CREB5: variants seen among roughly 807,000 people sequenced by gnomAD.
CREB5 encodes cyclic AMP-responsive element-binding protein 5.
In CREB5, 19 loss-of-function variants were observed where a neutral mutation model predicts 57.1. The ratio of observed to expected loss-of-function variants is 0.33; its 90% confidence interval spans 0.23 to 0.49. The LOEUF is 0.49. Among genes scored for constraint, CREB5 ranks in the 20% least tolerant of loss-of-function variants. CREB5 has a pLI of 0.99. For missense variants in CREB5, 579 were observed against 671.6 expected (o/e 0.86, Z 1.52); for synonymous variants, 238 against 238.3 (o/e 1.00, Z 0.01).
intron 5 of CREB5, among the ~76,000 whole-genome samples, chr7:28,603,332 A>AT (rs1419154789): frequency 6.6e-6 from 1 of 152,134 alleles, no homozygotes; most frequent in Non-Finnish European, 1.5e-5. Context: ...ATGCAGAATC[A>AT]TTTTTCCCAC....
At chr7:28,811,970 C>G (rs781105411) in intron 9 of CREB5, among the ~76,000 whole-genome samples, 1 of 152,214 alleles carries the variant, frequency 6.6e-6, no homozygotes, top group Non-Finnish European at 1.5e-5. Context: ...GCCCTATTGA[C>G]TTCCGGGCTT....
intron 1 of CREB5, among the ~76,000 whole-genome samples, chr7:28,337,611 A>G (rs1484629340): frequency 6.6e-6 from 1 of 151,956 alleles, no homozygotes; most frequent in East Asian, 1.9e-4. Context: ...TGTTCCATGT[A>G]GGCGGTAGAT....
intron 4 of CREB5, among the ~76,000 whole-genome samples, chr7:28,538,529 T>C (rs751824428): frequency 6.6e-6 from 1 of 152,216 alleles, no homozygotes; most frequent in Non-Finnish European, 1.5e-5. Context: ...ATCAATTTTA[T>C]TAGTGTTTTT....
intron 5 of CREB5, among the ~76,000 whole-genome samples, chr7:28,591,052 C>T (rs1435004620): frequency 6.6e-6 from 1 of 152,102 alleles, no homozygotes; most frequent in African/African-American, 2.4e-5. Context: ...GTCCCTGTTC[C>T]CCACTGTTTT....
chr7:28,674,968 T>C (rs1379552588), intron 5 of CREB5, among the ~76,000 whole-genome samples: 2 of 152,208 alleles, frequency 1.3e-5, no homozygotes, highest in Non-Finnish European at 2.9e-5. Flanking sequence ...CTCCAAGGTC[T>C]TCTTTCTTTT....
chr7:28,401,520 C>T (rs962355987), intron 1 of CREB5, among the ~76,000 whole-genome samples: 5 of 151,982 alleles, frequency 3.3e-5, no homozygotes, highest in East Asian at 1.9e-4. Context: ...CCCATTAACT[C>T]GTCATTTACA....
At chr7:28,785,504 G>A (rs537909970) in intron 7 of CREB5, among the ~76,000 whole-genome samples, 22 of 152,290 alleles carry the variant, frequency 1.4e-4, no homozygotes, top group East Asian at 7.7e-4. Context: ...GGGATAAAGC[G>A]ATGGTTGTTC....
At chr7:28,785,072 T>A (rs1420000807) in intron 7 of CREB5, among the ~76,000 whole-genome samples, 3 of 152,162 alleles carry the variant, frequency 2.0e-5, no homozygotes, top group Non-Finnish European at 4.4e-5. Flanking sequence ...TAAGGAGGCT[T>A]TTCTTTATTC....
intron 5 of CREB5, among the ~76,000 whole-genome samples, chr7:28,586,243 T>C (rs924389106): frequency 2.6e-5 from 4 of 152,158 alleles, no homozygotes; most frequent in Non-Finnish European, 5.9e-5. Context: ...CATGTTTCTC[T>C]AGAGCCCTGA....
intron 5 of CREB5, among the ~76,000 whole-genome samples, chr7:28,608,094 G>GTCTC (rs149947396): frequency 6.3e-4 from 48 of 76,748 alleles, no homozygotes; most frequent in African/African-American, 2.2e-3. Flanking sequence ...CTCTCTCTCT[G>GTCTC]TCTCTCTCTC....
upstream of CREB5, chr7:28,410,158 C>T (rs1373199135): frequency 4.9e-6 from 2 of 405,768 alleles, no homozygotes; most frequent in South Asian, 3.6e-5. Flanking sequence ...CGGGTGGGCG[C>T]GCGCCCGGGG....
chr7:28,764,429 A>G (rs1805844979), intron 7 of CREB5, among the ~76,000 whole-genome samples: 1 of 152,166 alleles, frequency 6.6e-6, no homozygotes, highest in Non-Finnish European at 1.5e-5. Flanking sequence ...TGGATGGCAA[A>G]CACAACACTT....
intron 5 of CREB5, among the ~76,000 whole-genome samples, chr7:28,691,666 C>T (rs1449843569): frequency 2.6e-5 from 4 of 152,088 alleles, no homozygotes; most frequent in Non-Finnish European, 4.4e-5. Context: ...TTGAGAGTTC[C>T]ATGCTGGGAT....
chr7:28,337,614 C>T lies in CREB5; in HGVS notation c.-25+38173C>T, dbSNP rs138748086. Among the ~76,000 whole-genome samples, 100 of 151,950 alleles carry T rather than the reference C, an allele frequency of 6.6e-4. No homozygotes were observed. The Middle Eastern group carries it at 0.01, about 16-fold the overall frequency. On this transcript the variant is annotated intron_variant, in intron 1 of 9. Coordinates refer to the CREB5 transcript ENST00000396299. ...ATAGGTGAAGTGTGTTCCATGTAGG[C>T]GGTAGATCATTGGGTCTTGTTTGTT...
intron 4 of CREB5, among the ~76,000 whole-genome samples, chr7:28,559,659 G>A (rs770276702): frequency 3.3e-5 from 5 of 152,176 alleles, no homozygotes; most frequent in African/African-American, 7.2e-5. Flanking sequence ...AGATGACCAC[G>A]TGCCTGACTT....
At chr7:28,402,590 AT>A in intron 1 of CREB5, among the ~76,000 whole-genome samples, 1 of 152,382 alleles carries the variant, frequency 6.6e-6, no homozygotes, top group Non-Finnish European at 1.5e-5. Context: ...TCCTTATTTA[AT>A]AAATGGTGCT....
Position 28,310,401 on chromosome 7 carries a change from C to T in CREB5, c.-25+10960C>T, listed in dbSNP as rs148954405. Among the ~76,000 whole-genome samples, 4 of 152,268 alleles carry T rather than the reference C, an allele frequency of 2.6e-5. No homozygotes were observed. The South Asian group carries it at 8.3e-4, about 32-fold the overall frequency. On this transcript the variant is annotated intron_variant, in intron 1 of 9. Transcript: ENST00000396299. The stretch of plus-strand genomic sequence containing the variant: ...TGGTGTTTGGTGTAGGAGCTCTGGA[C>T]AGAAAGCCTGGAGAACCAGATTCTA...
intron 7 of CREB5, among the ~76,000 whole-genome samples, chr7:28,795,322 A>G (rs925252400): frequency 6.6e-6 from 1 of 152,210 alleles, no homozygotes; most frequent in African/African-American, 2.4e-5. Context: ...CTCATTAGAC[A>G]AGATCTTTAC....
intron 2 of CREB5, among the ~76,000 whole-genome samples, chr7:28,490,940 A>G (rs901621515): frequency 6.6e-6 from 1 of 152,216 alleles, no homozygotes; most frequent in Non-Finnish European, 1.5e-5. Flanking sequence ...TGAATGCCAC[A>G]GACGTGTGGT....
Sources: allele counts gnomAD v4.1 joint callset (sites outside exome capture counted in the v4.1 genomes callset), GRCh38; gene constraint gnomAD v4.1.1; transcripts MANE v1.5; gene names NCBI Gene and HGNC (gene_info 2026-07-23, HGNC 2026-07-21).